PCCA: variants seen among roughly 807,000 people sequenced by gnomAD.
PCCA encodes the protein propionyl-CoA carboxylase subunit alpha.
PCCA carries 74 observed loss-of-function variants against 101.3 expected under a neutral mutation model. The observed-to-expected ratio is 0.73, with a 90% CI of 0.61 to 0.89. PCCA has a LOEUF of 0.89. PCCA is among the 40% of genes least tolerant of loss of function. The pLI is 0.00. For missense variants in PCCA, 891 were observed against 907.0 expected, an observed-to-expected ratio of 0.98 and a Z score of 0.23; for synonymous variants, 294 against 313.6, an observed-to-expected ratio of 0.94 and a Z score of 0.66.
In PCCA at chr13:100,217,569, T is replaced by TTG. The variant is rs372376065; in HGVS notation, c.600+8123_600+8124dup. Among the ~76,000 whole-genome samples the TTG allele has an allele frequency of 5.2e-3, 778 of 149,932 alleles. 13 individuals carry two copies. Among genetic ancestry groups the TTG allele is most frequent in the African/African-American group, 0.016 (653 of 41,138 alleles). On this transcript the variant is annotated intron_variant, in intron 7 of 23. Transcript: ENST00000376285. ...TCCATGTTATAGCATGTATCAGTTT[T>TTG]TGTGTGTGTGTGTGTGTGGCTGAGT... is the stretch of plus-strand genomic sequence containing the variant.
intron 12 of PCCA, among the ~76,000 whole-genome samples, chr13:100,288,454 G>A (rs761100938): frequency 2.0e-5 from 3 of 152,104 alleles, no homozygotes; most frequent in Non-Finnish European, 4.4e-5. Flanking sequence ...GCATCACCAC[G>A]CCTGGCTAAT....
At chr13:100,121,378 T>C (rs2049373283) in intron 4 of PCCA, among the ~76,000 whole-genome samples, 1 of 151,994 alleles carries the variant, frequency 6.6e-6, no homozygotes. Context: ...CAGGCTGGTC[T>C]CGAACTCCTG....
At chr13:100,161,822 G>A (rs1012576929) in intron 6 of PCCA, among the ~76,000 whole-genome samples, 2 of 149,690 alleles carry the variant, frequency 1.3e-5, no homozygotes, top group African/African-American at 2.6e-5. Context: ...AATTGTTACT[G>A]TAGTGTATTT....
chr13:100,508,483 G>C (rs557086285), intron 21 of PCCA, among the ~76,000 whole-genome samples: 1 of 152,260 alleles, frequency 6.6e-6, no homozygotes, highest in South Asian at 2.1e-4. Flanking sequence ...AAATGGCAGC[G>C]GACGAGTGTT....
In PCCA at chr13:100,092,844, A is replaced by G. The variant is rs182506323; in HGVS notation, c.105+3619A>G. Reference sequence around the variant, plus strand: ...GGAGGTTAATGTTTCCAACATGCTGATAAATTTCTGACAAATCATTTGGGA... The same window carrying G: ...GGAGGTTAATGTTTCCAACATGCTGGTAAATTTCTGACAAATCATTTGGGA... On this transcript the variant is annotated intron_variant, in intron 1 of 23. Coordinates refer to ENST00000376285, the MANE Select transcript of PCCA (RefSeq NM_000282.4). Among the ~76,000 whole-genome samples the G allele has an allele frequency of 2.1e-3, 324 of 152,336 alleles. 2 individuals carry two copies. Among genetic ancestry groups the G allele is most frequent in the Admixed American group, 4.2e-3 (65 of 15,304 alleles).
chr13:100,254,189 G>A (rs4083752), intron 8 of PCCA, among the ~76,000 whole-genome samples: 65,664 of 151,746 alleles, frequency 0.43, 14,947 homozygotes, highest in East Asian at 0.75. Context: ...TCACTATCAC[G>A]AGGACAGTGT....
chr13:100,263,544 G>A (rs2062671599), intron 10 of PCCA, among the ~76,000 whole-genome samples: 1 of 152,084 alleles, frequency 6.6e-6, no homozygotes, highest in South Asian at 2.1e-4. Flanking sequence ...CCTAGATTCT[G>A]TCAGTTTATT....
intron 20 of PCCA, among the ~76,000 whole-genome samples, chr13:100,446,084 G>A (rs2080806321): frequency 6.6e-6 from 1 of 152,056 alleles, no homozygotes. Flanking sequence ...GTGGTGCCCA[G>A]GCTGGAGTGC....
At chr13:100,433,339 G>A (rs2079690763) in intron 20 of PCCA, among the ~76,000 whole-genome samples, 1 of 152,186 alleles carries the variant, frequency 6.6e-6, no homozygotes, top group Middle Eastern at 3.2e-3. Flanking sequence ...TGGGGGTGAA[G>A]TGGTATCTCA....
At chr13:100,508,476 T>C (rs934915231) in intron 21 of PCCA, among the ~76,000 whole-genome samples, 2 of 152,234 alleles carry the variant, frequency 1.3e-5, no homozygotes, top group Admixed American at 1.3e-4. Flanking sequence ...GATTCATAAA[T>C]GGCAGCGGAC....
intron 21 of PCCA, among the ~76,000 whole-genome samples, chr13:100,507,733 T>C (rs1227028759): frequency 6.6e-6 from 1 of 152,164 alleles, no homozygotes; most frequent in African/African-American, 2.4e-5. Flanking sequence ...CTCGGCTCCC[T>C]GCAACCTCCA....
chr13:100,265,409 C>T (rs959794308), intron 10 of PCCA, among the ~76,000 whole-genome samples: 16 of 152,116 alleles, frequency 1.1e-4, no homozygotes, highest in Non-Finnish European at 1.8e-4. Context: ...TCGTCATTGT[C>T]TTAACTATTT....
chr13:100,219,133 C>T (rs2059677309), intron 7 of PCCA, among the ~76,000 whole-genome samples: 2 of 152,086 alleles, frequency 1.3e-5, no homozygotes, highest in South Asian at 4.2e-4. Flanking sequence ...ATTATTATTT[C>T]CTTATGAGGT....
chr13:100,252,570 C>G (rs906712282), intron 8 of PCCA, among the ~76,000 whole-genome samples: 3 of 152,132 alleles, frequency 2.0e-5, no homozygotes, highest in African/African-American at 4.8e-5. Context: ...TTTTAAGTTA[C>G]CAGGTTGTGC....
intron 8 of PCCA, 76 bp from the exon 9 acceptor site, chr13:100,257,519 C>G (rs1158655086): frequency 2.0e-6 from 2 of 985,118 alleles, no homozygotes; most frequent in Non-Finnish European, 3.2e-6. Flanking sequence ...CGTTATTGAA[C>G]ATGTGGTCAA....
At chr13:100,417,850 A>G (rs544491879) in intron 19 of PCCA, among the ~76,000 whole-genome samples, 56 of 152,208 alleles carry the variant, frequency 3.7e-4, no homozygotes, top group Middle Eastern at 6.8e-3. Context: ...CGCACCTCCA[A>G]GACAGGAGGT....
chr13:100,527,418 GC>G (rs2087934605), intron 22 of PCCA: 3 of 547,558 alleles, frequency 5.5e-6, no homozygotes, highest in South Asian at 1.6e-5. Flanking sequence ...CCCAGGGTAG[GC>G]CCCGCCGCCA....
chr13:100,342,897 T>C (rs2071600287), intron 18 of PCCA, among the ~76,000 whole-genome samples: 1 of 151,736 alleles, frequency 6.6e-6, no homozygotes, highest in Admixed American at 6.6e-5. Flanking sequence ...AATTTCTGTA[T>C]TGTTTGTAAA....
intron 19 of PCCA, among the ~76,000 whole-genome samples, chr13:100,387,286 C>T (rs1039640254): frequency 2.0e-5 from 3 of 152,184 alleles, no homozygotes; most frequent in Admixed American, 1.3e-4. Context: ...ACAGTTCCTC[C>T]ACAGCCTCCT....
Sources: allele counts gnomAD v4.1 joint callset (sites outside exome capture counted in the v4.1 genomes callset), GRCh38; gene constraint gnomAD v4.1.1; transcripts MANE v1.5; gene names NCBI Gene and HGNC (gene_info 2026-07-23, HGNC 2026-07-21).